RBFOX1: variants seen among roughly 807,000 people sequenced by gnomAD.
RBFOX1 encodes the protein RNA binding protein fox-1 homolog 1.
Under a neutral mutation model 57.7 loss-of-function variants are expected in RBFOX1, and 8 were observed. That is an observed-to-expected ratio of 0.14 (90% CI 0.08 to 0.25). The LOEUF (loss-of-function observed/expected upper bound fraction) is 0.25, where lower values mean the gene tolerates loss of function less well. Ranked by LOEUF, RBFOX1 falls within the 10% of genes least tolerant of loss-of-function variation. The pLI, the probability that RBFOX1 is intolerant of heterozygous loss-of-function variation, is 1.00. For synonymous variants in RBFOX1, 326 were observed against 222.4 expected (o/e 1.47, Z -4.15); for missense variants, 611 against 548.5 (o/e 1.11, Z -1.14).
chr16:6,112,644 T>G (rs2096458909), intron 1 of RBFOX1, among the ~76,000 whole-genome samples: 2 of 152,062 alleles, frequency 1.3e-5, no homozygotes, highest in Admixed American at 1.3e-4. Flanking sequence ...TGAGCTGAGA[T>G]CGTGCCATTG....
chr16:7,597,302 T>C, intron 8 of RBFOX1, 69 bp from the exon 9 acceptor site: 11 of 1,147,680 alleles, frequency 9.6e-6, no homozygotes, highest in Non-Finnish European at 1.0e-5. Context: ...ACGGTCATAA[T>C]GCATGCAACT....
At chr16:5,690,329 A>T (rs926503845) in intron 3 of RBFOX1, among the ~76,000 whole-genome samples, 1 of 152,150 alleles carries the variant, frequency 6.6e-6, no homozygotes, top group African/African-American at 2.4e-5. Flanking sequence ...ATACTCCTCA[A>T]TGTAGAACTC....
chr16:7,578,490 C>G (rs955103821), intron 5 of RBFOX1, among the ~76,000 whole-genome samples: 2 of 152,130 alleles, frequency 1.3e-5, no homozygotes, highest in East Asian at 1.9e-4. Context: ...CCAGTACATA[C>G]CAGGGCTGAT....
intron 1 of RBFOX1, among the ~76,000 whole-genome samples, chr16:5,352,219 C>T (rs1031494797): frequency 6.6e-6 from 1 of 152,202 alleles, no homozygotes; most frequent in South Asian, 2.1e-4. Flanking sequence ...ACGCTGTGTG[C>T]CTCCTGCGCT....
intron 1 of RBFOX1, among the ~76,000 whole-genome samples, chr16:6,213,103 A>G (rs900413168): frequency 1.3e-5 from 2 of 152,334 alleles, no homozygotes; most frequent in East Asian, 3.9e-4. Flanking sequence ...TTTGAACTAA[A>G]ACCTTCAAAA....
At position 5,440,433 on chromosome 16, in the gene RBFOX1, T is replaced by C. The variant is rs991151198; in HGVS notation, c.220-26783T>C. On this transcript the variant is annotated intron_variant, in intron 1 of 2. Transcript: ENST00000585867. Reference sequence around the variant, plus strand: ...ATCTTTTGTTTTGGTTGAAAAAAAATTTCCACGGTGTTGTTTTAGCCTCAG... The same window carrying C: ...ATCTTTTGTTTTGGTTGAAAAAAAACTTCCACGGTGTTGTTTTAGCCTCAG... Among the ~76,000 whole-genome samples the C allele has an allele frequency of 5.3e-5, 8 of 152,214 alleles. No homozygotes were observed. In the East Asian group the frequency reaches 1.5e-3, roughly 29 times the overall value.
rs376283021 is a variant in RBFOX1, at chr16:5,930,358, A to G, written c.351+63023A>G. On this transcript the variant is annotated intron_variant, in intron 4 of 19. Coordinates refer to the RBFOX1 transcript ENST00000641259. Reference sequence around the variant, plus strand: ...GGTGGGAAGGTTGGTAGCTGGATGGATGGGAGGGTGGATGGATGGATGCAT... The same window carrying G: ...GGTGGGAAGGTTGGTAGCTGGATGGGTGGGAGGGTGGATGGATGGATGCAT... Among the ~76,000 whole-genome samples, 169 of 129,592 alleles carry G rather than the reference A, an allele frequency of 1.3e-3. 1 individual carries two copies. The highest frequency in any genetic ancestry group is 4.8e-3 in the African/African-American group (161 of 33,534). 85.0% of individuals were successfully genotyped at this position (129,592 alleles called of 152,430 possible). A position where few individuals can be genotyped will look rare whatever the true frequency, so the allele number is the denominator to read the frequency against.
rs1157853470 is a variant in RBFOX1 at position 5,742,585 on chromosome 16, C to G, written c.319-124718C>G. 2.0e-5 allele frequency among the ~76,000 whole-genome samples: 3 copies of G among 152,250 alleles called. No individual in the cohort carries two copies. In the South Asian group the frequency reaches 6.2e-4, roughly 32 times the overall value. ...CGTCTGGCACATAGTAGATATCCAC[C>G]AGTAGCCTCATCAAAGCTCTTGGTC... On this transcript the variant is annotated intron_variant, in intron 3 of 19. Coordinates refer to the RBFOX1 transcript ENST00000641259.
chr16:5,956,672 A>ATTTTTT lies in RBFOX1; in HGVS notation c.351+89338_351+89339insTTTTTT, dbSNP rs1309859075. On this transcript the variant is annotated intron_variant, in intron 4 of 19. Coordinates refer to the RBFOX1 transcript ENST00000641259. ...TATATATATATTTATATATATATAT[A>ATTTTTT]TATATATTTTTTTTGAGGCACAGTC... Among the ~76,000 whole-genome samples, 494 of 78,340 alleles carry ATTTTTT rather than the reference A, an allele frequency of 6.3e-3. 7 individuals carry two copies. Among genetic ancestry groups the ATTTTTT allele is most frequent in the Admixed American group, 9.1e-3 (63 of 6,942 alleles). 51.4% of individuals were successfully genotyped at this position (78,340 alleles called of 152,430 possible). A position where few individuals can be genotyped will look rare whatever the true frequency, so the allele number is the denominator to read the frequency against.
chr16:7,562,047 GT>G (rs976853846), intron 5 of RBFOX1, among the ~76,000 whole-genome samples: 61 of 152,260 alleles, frequency 4.0e-4, no homozygotes, highest in African/African-American at 1.5e-3. Context: ...GGAGGAAAAG[GT>G]TGGAGGCGTC....
chr16:5,680,743 G>A (rs2050306943), intron 3 of RBFOX1, among the ~76,000 whole-genome samples: 1 of 152,186 alleles, frequency 6.6e-6, no homozygotes, highest in African/African-American at 2.4e-5. Context: ...TACACTCCGG[G>A]TGAAGCTGCC....
chr16:6,840,901 A>AAAAAG (rs1316559010), intron 3 of RBFOX1, among the ~76,000 whole-genome samples: 2 of 151,354 alleles, frequency 1.3e-5, no homozygotes, highest in Admixed American at 6.6e-5. Flanking sequence ...AAAAAAAAAA[A>AAAAAG]AAACGAAAAA....
At chr16:5,860,279 C>A (rs558993373) in intron 3 of RBFOX1, among the ~76,000 whole-genome samples, 70 of 152,182 alleles carry the variant, frequency 4.6e-4, no homozygotes, top group African/African-American at 1.6e-3. Flanking sequence ...GAAGGGGTCT[C>A]ACCATGTTGG....
chr16:6,224,467 C>T (rs1467624934), intron 1 of RBFOX1, among the ~76,000 whole-genome samples: 1 of 152,032 alleles, frequency 6.6e-6, no homozygotes, highest in African/African-American at 2.4e-5. Context: ...TTAGGCAGTG[C>T]TGATGTTGCT....
chr16:7,534,075 A>T (rs752937821), intron 5 of RBFOX1, among the ~76,000 whole-genome samples: 3 of 137,844 alleles, frequency 2.2e-5, no homozygotes, highest in African/African-American at 5.0e-5. Flanking sequence ...AAAGGTCCCA[A>T]CGTTTTTTTT....
At chr16:7,012,368 C>T (rs2093693339) in intron 3 of RBFOX1, among the ~76,000 whole-genome samples, 1 of 152,158 alleles carries the variant, frequency 6.6e-6, no homozygotes, top group African/African-American at 2.4e-5. Context: ...TCAATTCCAT[C>T]ACCTTTTGTC....
chr16:7,282,555 T>G (rs1022323058), intron 4 of RBFOX1, among the ~76,000 whole-genome samples: 9 of 148,362 alleles, frequency 6.1e-5, no homozygotes, highest in African/African-American at 2.3e-4. Context: ...TCTGGTTGAT[T>G]AAGCTTTTTT....
At chr16:6,912,055 A>G (rs2071761036) in intron 3 of RBFOX1, among the ~76,000 whole-genome samples, 1 of 152,180 alleles carries the variant, frequency 6.6e-6, no homozygotes, top group Non-Finnish European at 1.5e-5. Context: ...TTTGAGAGAG[A>G]AGTTTTCTTC....
chr16:6,827,731 C>T (rs763188528), intron 3 of RBFOX1, among the ~76,000 whole-genome samples: 3 of 152,110 alleles, frequency 2.0e-5, no homozygotes, highest in South Asian at 2.1e-4. Flanking sequence ...CATGCTGATC[C>T]CCTACATGGA....
Sources: gnomAD v4.1 joint callset for allele counts (sites outside exome capture counted in the v4.1 genomes callset) on GRCh38, gnomAD v4.1.1 for gene constraint, MANE v1.5 for transcripts, NCBI Gene and HGNC (gene_info 2026-07-23, HGNC 2026-07-21) for gene names.